PRKAR1B: variants seen among roughly 807,000 people sequenced by gnomAD.
The protein encoded by PRKAR1B is protein kinase cAMP-dependent type I regulatory subunit beta, also known as cAMP-dependent protein kinase type I-beta regulatory subunit.
Under a neutral mutation model 46.5 loss-of-function variants are expected in PRKAR1B, and 22 were observed. The observed-to-expected ratio is 0.47, with a 90% CI of 0.34 to 0.68. The LOEUF is 0.68. PRKAR1B is among the 30% of genes least tolerant of loss of function. The pLI, the probability that PRKAR1B is intolerant of heterozygous loss-of-function variation, is 0.01. For synonymous variants in PRKAR1B, 259 were observed against 217.7 expected (o/e 1.19, Z -1.67); for missense variants, 445 against 535.6 (o/e 0.83, Z 1.67).
intron 9 of PRKAR1B, among the ~76,000 whole-genome samples, chr7:557,554 G>A (rs1183090627): frequency 6.6e-6 from 1 of 152,224 alleles, no homozygotes; most frequent in Non-Finnish European, 1.5e-5. Flanking sequence ...GGGAACAGCA[G>A]AGGAGGGAGA....
chr7:561,590 CG>C (rs922339834), intron 9 of PRKAR1B, among the ~76,000 whole-genome samples: 5 of 152,208 alleles, frequency 3.3e-5, no homozygotes, highest in Non-Finnish European at 7.3e-5. Context: ...GCCACTTCCC[CG>C]CAATCATCCC....
intron 4 of PRKAR1B, among the ~76,000 whole-genome samples, chr7:656,232 G>A (rs1275837764): frequency 1.3e-5 from 2 of 152,116 alleles, no homozygotes; most frequent in African/African-American, 4.8e-5. Context: ...GTGACTGAAT[G>A]GATGGATAAA....
chr7:579,663 T>C (rs9330373), intron 8 of PRKAR1B, among the ~76,000 whole-genome samples: 63,753 of 152,196 alleles, frequency 0.42, 14,012 homozygotes, highest in African/African-American at 0.48. Flanking sequence ...CCTGGCTTAA[T>C]GTAAATACCC....
At chr7:645,911 G>A (rs1201850011) in intron 4 of PRKAR1B, among the ~76,000 whole-genome samples, 1 of 152,214 alleles carries the variant, frequency 6.6e-6, no homozygotes, top group African/African-American at 2.4e-5. Flanking sequence ...CCTGTTTTCA[G>A]AGCAGTGATG....
intron 4 of PRKAR1B, among the ~76,000 whole-genome samples, chr7:620,635 A>G (rs1465536530): frequency 6.6e-6 from 1 of 152,172 alleles, no homozygotes; most frequent in African/African-American, 2.4e-5. Flanking sequence ...TGGGCTTCTT[A>G]ATGATGATTT....
intron 4 of PRKAR1B, among the ~76,000 whole-genome samples, chr7:646,556 G>C (rs1018472823): frequency 6.6e-6 from 1 of 152,216 alleles, no homozygotes; most frequent in Non-Finnish European, 1.5e-5. Context: ...AAAGAAGAGC[G>C]GAGCTCGTTT....
chr7:618,769 C>T (rs1782964158), intron 4 of PRKAR1B, among the ~76,000 whole-genome samples: 1 of 152,128 alleles, frequency 6.6e-6, no homozygotes, highest in Non-Finnish European at 1.5e-5. Flanking sequence ...ACCTTCTTTC[C>T]TGCTGATTTG....
intron 2 of PRKAR1B, among the ~76,000 whole-genome samples, chr7:708,033 G>A (rs181801821): frequency 6.7e-6 from 1 of 149,894 alleles, no homozygotes; most frequent in Admixed American, 6.7e-5. Context: ...CCCAGAGCCA[G>A]GGGAGACACA....
intron 4 of PRKAR1B, among the ~76,000 whole-genome samples, chr7:640,765 A>AACACACACACACACACACAC (rs71546454): frequency 9.3e-6 from 1 of 108,086 alleles, no homozygotes; most frequent in Non-Finnish European, 1.9e-5. Flanking sequence ...CTCTGTCTCA[A>AACACACACACACACACACAC]ACACACACAC....
intron 2 of PRKAR1B, among the ~76,000 whole-genome samples, chr7:699,301 G>C (rs752845480): frequency 6.6e-6 from 1 of 152,156 alleles, no homozygotes; most frequent in Non-Finnish European, 1.5e-5. Flanking sequence ...GTGAGAATTC[G>C]ATGAGATAAA....
chr7:551,402 G>A lies in PRKAR1B; in HGVS notation c.960C>T (p.Pro320=). The change falls in exon 10 of 11, where the codon CCC becomes CCT. Residue 320 remains proline, a synonymous_variant. Coordinates refer to ENST00000537384, the MANE Select transcript of PRKAR1B (RefSeq NM_001164760.2). The part of the protein sequence containing the change: ...EEYVEVGRLG[P]SDYFGEIALL... ...CACTGGACTCACCGAAGTAGTCAGA[G>A]GGTCCCAGGCGCCCCACCTCCACGT... The A allele has an allele frequency of 6.4e-7, 1 of 1,559,072 alleles. No homozygotes were observed. Among genetic ancestry groups the A allele is most frequent in the Non-Finnish European group, 8.7e-7 (1 of 1,151,302 alleles).
intron 9 of PRKAR1B, among the ~76,000 whole-genome samples, chr7:563,752 T>C (rs1475808149): frequency 1.3e-5 from 2 of 151,756 alleles, no homozygotes; most frequent in African/African-American, 4.8e-5. Flanking sequence ...TATGTACGTG[T>C]GTGTGCTCAG....
rs13238949 is a variant in PRKAR1B at position 549,849 on chromosome 7, C to G, written c.*581G>C. On this transcript the variant is annotated 3_prime_UTR_variant, in exon 11 of 11. Coordinates refer to ENST00000537384, the MANE Select transcript of PRKAR1B (RefSeq NM_001164760.2). ...CTCACAGCTCAGAGACTCTCCCACT[C>G]CGGCATCCGCAGCAGGGCCCCCGGG... 1,298 of 155,758 alleles carry G rather than the reference C, an allele frequency of 8.3e-3. 5 individuals carry two copies. The highest frequency in any genetic ancestry group is 0.017 in the Middle Eastern group (5 of 296). The allele number at this position is 155,758 out of a possible 1,614,324, so 9.6% of individuals were successfully genotyped here. A position where few individuals can be genotyped will look rare whatever the true frequency, so the allele number is the denominator to read the frequency against.
intron 9 of PRKAR1B, among the ~76,000 whole-genome samples, chr7:568,889 C>T (rs971510843): frequency 4.0e-5 from 6 of 151,378 alleles, no homozygotes; most frequent in Non-Finnish European, 5.9e-5. Flanking sequence ...CCCCGAGATA[C>T]GGGTGGGAAA....
chr7:628,655 C>T (rs1439185382), intron 4 of PRKAR1B, among the ~76,000 whole-genome samples: 5 of 152,188 alleles, frequency 3.3e-5, no homozygotes, highest in South Asian at 4.1e-4. Flanking sequence ...CAGGCGATGG[C>T]GGGAAAAGCA....
At chr7:680,157 CA>C (rs372918350) in intron 3 of PRKAR1B, among the ~76,000 whole-genome samples, 1,181 of 73,648 alleles carry the variant, frequency 0.016, 12 homozygotes, top group African/African-American at 0.045. Flanking sequence ...GACTCTGTTT[CA>C]AAAAAAAAAA....
At chr7:556,899 C>A (rs573907678) in intron 9 of PRKAR1B, among the ~76,000 whole-genome samples, 1 of 152,310 alleles carries the variant, frequency 6.6e-6, no homozygotes, top group East Asian at 1.9e-4. Flanking sequence ...AGGTGCCTCC[C>A]CCGGCTCCCA....
chr7:558,701 G>A (rs1448923130), intron 9 of PRKAR1B, among the ~76,000 whole-genome samples: 11 of 150,748 alleles, frequency 7.3e-5, no homozygotes, highest in Non-Finnish European at 1.2e-4. Flanking sequence ...GCAGTGAGCC[G>A]AGATTGCGCC....
At chr7:568,868 G>C (rs1779328464) in intron 9 of PRKAR1B, among the ~76,000 whole-genome samples, 1 of 152,156 alleles carries the variant, frequency 6.6e-6, no homozygotes, top group Admixed American at 6.5e-5. Context: ...GGGAACGCCT[G>C]CGCGGCGGTG....
Sources: gnomAD v4.1 joint callset for allele counts (sites outside exome capture counted in the v4.1 genomes callset) on GRCh38, gnomAD v4.1.1 for gene constraint, MANE v1.5 for transcripts, NCBI Gene and HGNC (gene_info 2026-07-23, HGNC 2026-07-21) for gene names.